RASGRF2: variants seen among roughly 807,000 people sequenced by gnomAD.
RASGRF2 encodes Ras protein specific guanine nucleotide releasing factor 2.
RASGRF2 carries 76 observed loss-of-function variants against 151.0 expected under a neutral mutation model. The ratio of observed to expected loss-of-function variants is 0.50; its 90% CI spans 0.42 to 0.61. RASGRF2 has a LOEUF of 0.61. Ranked by LOEUF, RASGRF2 falls within the 20% of genes least tolerant of loss-of-function variation. RASGRF2 has a pLI of 0.00. For synonymous variants in RASGRF2, 504 were observed against 566.5 expected (o/e 0.89, Z 1.57); for missense variants, 1,148 against 1,564.6 (o/e 0.73, Z 4.49).
At chr5:81,021,018 G>T (rs924676589) in intron 1 of RASGRF2, among the ~76,000 whole-genome samples, 33 of 152,178 alleles carry the variant, frequency 2.2e-4, no homozygotes, top group African/African-American at 7.5e-4. Flanking sequence ...CACAGATTAC[G>T]CTGTCACAGC....
At chr5:81,182,981 G>C (rs889796882) in intron 18 of RASGRF2, among the ~76,000 whole-genome samples, 1 of 152,196 alleles carries the variant, frequency 6.6e-6, no homozygotes, top group East Asian at 1.9e-4. Flanking sequence ...AAAGCGAAGG[G>C]CTTGGATACG....
intron 17 of RASGRF2, among the ~76,000 whole-genome samples, chr5:81,154,652 CAGTT>C (rs1487747695): frequency 6.6e-6 from 1 of 152,056 alleles, no homozygotes; most frequent in Non-Finnish European, 1.5e-5. Flanking sequence ...TTCGAGAACA[CAGTT>C]AGAAATTAAT....
At chr5:81,128,501 T>C (rs1407153580) in intron 17 of RASGRF2, among the ~76,000 whole-genome samples, 1 of 152,164 alleles carries the variant, frequency 6.6e-6, no homozygotes, top group African/African-American at 2.4e-5. Flanking sequence ...TCAGAGAAGG[T>C]TGTTATTCCT....
chr5:81,167,165 T>G (rs1200779830), intron 17 of RASGRF2, among the ~76,000 whole-genome samples: 2 of 152,188 alleles, frequency 1.3e-5, no homozygotes, highest in African/African-American at 4.8e-5. Flanking sequence ...GATACAAGGC[T>G]GTCAGCATAA....
chr5:81,119,152 C>T (rs1158178094), intron 15 of RASGRF2, among the ~76,000 whole-genome samples: 1 of 152,214 alleles, frequency 6.6e-6, no homozygotes, highest in African/African-American at 2.4e-5. Flanking sequence ...AGCATCTGTC[C>T]ATTACCCAGT....
chr5:80,966,980 A>G (rs1747742883), intron 1 of RASGRF2, among the ~76,000 whole-genome samples: 1 of 152,204 alleles, frequency 6.6e-6, no homozygotes, highest in Non-Finnish European at 1.5e-5. Flanking sequence ...AAAGTTGGGG[A>G]GGCCTATATA....
At chr5:81,015,799 TA>T in intron 1 of RASGRF2, among the ~76,000 whole-genome samples, 1 of 152,350 alleles carries the variant, frequency 6.6e-6, no homozygotes, top group East Asian at 1.9e-4. Flanking sequence ...TTATTGCACT[TA>T]AATTCATTGA....
rs369412138 is a variant in RASGRF2 at position 81,092,975 on chromosome 5, A to T, written c.1551+14A>T. ...CATCTGCTCAAGGTACTGGTTTTCCATAACTGTTCCATTTATCTTCCAAGC... is the reference window on the plus strand; with the variant it reads ...CATCTGCTCAAGGTACTGGTTTTCCTTAACTGTTCCATTTATCTTCCAAGC... On this transcript the variant is annotated intron_variant, in intron 10 of 26. Transcript: ENST00000265080. 5 of 1,591,864 alleles carry T rather than the reference A, an allele frequency of 3.1e-6. No homozygotes were observed. Among genetic ancestry groups the T allele is most frequent in the Admixed American group, 1.8e-5 (1 of 56,688 alleles).
intron 9 of RASGRF2, among the ~76,000 whole-genome samples, chr5:81,091,833 C>G (rs1000767609): frequency 6.6e-6 from 1 of 152,044 alleles, no homozygotes; most frequent in African/African-American, 2.4e-5. Context: ...TGTTAATGTT[C>G]AAGGGTTGGA....
chr5:81,128,498 A>C (rs773297071), intron 17 of RASGRF2, among the ~76,000 whole-genome samples: 1 of 152,192 alleles, frequency 6.6e-6, no homozygotes, highest in Non-Finnish European at 1.5e-5. Flanking sequence ...TTATCAGAGA[A>C]GGTTGTTATT....
intron 9 of RASGRF2, among the ~76,000 whole-genome samples, chr5:81,090,342 A>G (rs1025689506): frequency 2.0e-5 from 3 of 152,224 alleles, no homozygotes; most frequent in Admixed American, 6.5e-5. Context: ...CCCAATTATT[A>G]GAGAGACCGA....
In RASGRF2 at chr5:81,123,664, G is replaced by T; in HGVS notation, c.2493G>T (p.Ala831=). ...CAGCAGTCCTAGAGTCTGCACCAGCGGACCGAGCAGGAGTGGAAAGCTCCC... is the reference window on the plus strand; with the variant it reads ...CAGCAGTCCTAGAGTCTGCACCAGCTGACCGAGCAGGAGTGGAAAGCTCCC... ...IQKAVLESAP[A]DRAGVESSPA... The change falls in exon 16 of 27, where the codon GCG becomes GCT. Residue 831 remains alanine, a synonymous_variant. Coordinates refer to ENST00000265080, the MANE Select transcript of RASGRF2 (RefSeq NM_006909.3). 3.1e-6 allele frequency: 5 copies of T among 1,613,852 alleles called. No homozygotes were observed. The highest frequency in any genetic ancestry group is 3.4e-6 in the Non-Finnish European group (4 of 1,179,930).
chr5:81,212,625 C>A, intron 23 of RASGRF2, 62 bp downstream of exon 23: 1 of 1,409,260 alleles, frequency 7.1e-7, no homozygotes. Flanking sequence ...AGATGGGAGC[C>A]AAGTTAAATA....
chr5:81,155,584 A>G (rs1444661607), intron 17 of RASGRF2, among the ~76,000 whole-genome samples: 1 of 151,528 alleles, frequency 6.6e-6, no homozygotes, highest in Admixed American at 6.6e-5. Context: ...ACGCAAACAA[A>G]TGTTCTGTCC....
At chr5:81,206,738 C>T (rs925719028) in intron 19 of RASGRF2, 107 bp from the exon 20 acceptor site, 1 of 909,406 alleles carries the variant, frequency 1.1e-6, no homozygotes, top group Middle Eastern at 2.1e-4. Flanking sequence ...CCTTGTAGAC[C>T]CAAATCCTCA....
At chr5:81,186,091 C>T (rs1420370079) in intron 18 of RASGRF2, among the ~76,000 whole-genome samples, 1 of 152,196 alleles carries the variant, frequency 6.6e-6, no homozygotes, top group African/African-American at 2.4e-5. Flanking sequence ...TAACTCACTC[C>T]AGTTCTCTTA....
intron 1 of RASGRF2, among the ~76,000 whole-genome samples, chr5:80,993,098 G>A (rs1748706526): frequency 6.6e-6 from 1 of 152,124 alleles, no homozygotes; most frequent in Admixed American, 6.6e-5. Context: ...TTTTCAATCT[G>A]TCCTTTGCTA....
chr5:80,995,692 C>A (rs200403007), intron 1 of RASGRF2, among the ~76,000 whole-genome samples: 6 of 121,966 alleles, frequency 4.9e-5, no homozygotes, highest in African/African-American at 1.2e-4. Flanking sequence ...CTTCCCCCCC[C>A]CTTTTTTTTT....
chr5:81,112,912 C>A, intron 14 of RASGRF2, 54 bp downstream of exon 14: 4 of 1,605,168 alleles, frequency 2.5e-6, no homozygotes, highest in Non-Finnish European at 2.6e-6. Context: ...CTCTTCGTTC[C>A]GGAGTCACCA....
Sources: gnomAD v4.1 joint callset for allele counts (sites outside exome capture counted in the v4.1 genomes callset) on GRCh38, gnomAD v4.1.1 for gene constraint, MANE v1.5 for transcripts, NCBI Gene and HGNC (gene_info 2026-07-23, HGNC 2026-07-21) for gene names.